The following JMY variants were observed in gnomAD, a reference collection of about 807,000 sequenced individuals.
JMY encodes the protein junction mediating and regulatory protein, p53 cofactor.
In JMY, 46 loss-of-function variants were observed where a neutral mutation model predicts 103.3. That is an observed-to-expected ratio of 0.45 (90% CI 0.35 to 0.57). The LOEUF (loss-of-function observed/expected upper bound fraction) is 0.57. JMY is among the 20% of genes least tolerant of loss of function. The pLI is 0.00. For synonymous variants in JMY, 526 were observed against 489.3 expected, an observed-to-expected ratio of 1.07 and a Z score of -0.99; for missense variants, 1,238 against 1,255.2, an observed-to-expected ratio of 0.99 and a Z score of 0.21.
intron 1 of JMY, among the ~76,000 whole-genome samples, chr5:79,252,908 G>T (rs1745131756): frequency 6.6e-6 from 1 of 152,124 alleles, no homozygotes; most frequent in Admixed American, 6.5e-5. Context: ...GGAGAGTTTA[G>T]TCCATTTGCA....
intron 8 of JMY, among the ~76,000 whole-genome samples, chr5:79,313,159 G>A (rs1747102952): frequency 6.6e-6 from 1 of 152,168 alleles, no homozygotes. Flanking sequence ...AAGTAAATGT[G>A]GCTCACGCCT....
At chr5:79,271,717 C>A (rs779920477) in intron 1 of JMY, among the ~76,000 whole-genome samples, 3 of 152,098 alleles carry the variant, frequency 2.0e-5, no homozygotes, top group East Asian at 1.9e-4. Context: ...TTTAAAAATT[C>A]TTTCCATTAT....
chr5:79,293,179 T>A (rs1746471168), intron 4 of JMY, among the ~76,000 whole-genome samples: 1 of 152,108 alleles, frequency 6.6e-6, no homozygotes, highest in Non-Finnish European at 1.5e-5. Flanking sequence ...AAAATGAAAA[T>A]GTTTTTAATT....
chr5:79,306,281 G>T, intron 6 of JMY, 94 bp from the exon 7 acceptor site: 5 of 810,880 alleles, frequency 6.2e-6, no homozygotes, highest in Non-Finnish European at 1.0e-5. Context: ...TTGTTCTGTA[G>T]GTGGTATATA....
intron 1 of JMY, among the ~76,000 whole-genome samples, chr5:79,250,592 ATTGT>A (rs1190221431): frequency 1.3e-5 from 2 of 151,280 alleles, no homozygotes; most frequent in African/African-American, 4.9e-5. Flanking sequence ...TCCTTCAACA[ATTGT>A]TTATTTAATA....
Position 79,236,904 on chromosome 5 carries a change from C to T in JMY, c.254C>T (p.Ala85Val), listed in dbSNP as rs1744524548. The part of the protein sequence containing the change: ...SDGSRGPGSP[A>V]GRGRPEATAS... ...GGGAGCCGCGGGCCCGGCAGCCCGG[C>T]GGGCAGGGGTCGGCCCGAGGCCACT... Residue 85 changes from alanine to valine, a missense_variant, in exon 1 of 11, where the codon GCG (alanine) becomes GTG (valine). Transcript: ENST00000396137. 1 of 1,355,688 alleles carries T rather than the reference C, an allele frequency of 7.4e-7. No homozygotes were observed. Among genetic ancestry groups the T allele is most frequent in the Middle Eastern group, 2.4e-4 (1 of 4,194 alleles). The allele number at this position is 1,355,688 out of a possible 1,614,324, so 84.0% of individuals were successfully genotyped here. A position where few individuals can be genotyped will look rare whatever the true frequency, so the allele number is the denominator to read the frequency against.
At chr5:79,277,660 A>G (rs1208727240) in intron 1 of JMY, among the ~76,000 whole-genome samples, 2 of 151,962 alleles carry the variant, frequency 1.3e-5, no homozygotes, top group Non-Finnish European at 2.9e-5. Flanking sequence ...AAAAAGGAAA[A>G]TAAAAAATGG....
chr5:79,250,473 G>A (rs577360147), intron 1 of JMY, among the ~76,000 whole-genome samples: 1 of 151,810 alleles, frequency 6.6e-6, no homozygotes. Context: ...GTTTGTAGGC[G>A]TCCCAGACAA....
intron 7 of JMY, among the ~76,000 whole-genome samples, chr5:79,311,099 G>A (rs1373540126): frequency 6.6e-6 from 1 of 150,506 alleles, no homozygotes; most frequent in Non-Finnish European, 1.5e-5. Flanking sequence ...TAAATTAGTA[G>A]TATATTACTA....
chr5:79,298,930 C>G (rs1250542127), intron 4 of JMY, among the ~76,000 whole-genome samples: 8 of 152,158 alleles, frequency 5.3e-5, no homozygotes, highest in Admixed American at 6.5e-5. Flanking sequence ...CCAACCTCGC[C>G]AGACAAAAGG....
At chr5:79,268,745 C>T (rs1177866499) in intron 1 of JMY, among the ~76,000 whole-genome samples, 2 of 152,188 alleles carry the variant, frequency 1.3e-5, no homozygotes, top group African/African-American at 2.4e-5. Context: ...GCCTCGGCTT[C>T]CCAAAGTGCT....
intron 1 of JMY, among the ~76,000 whole-genome samples, chr5:79,245,374 G>C (rs377606694): frequency 6.6e-6 from 1 of 152,022 alleles, no homozygotes; most frequent in African/African-American, 2.4e-5. Context: ...GTTGAAGCAG[G>C]GTGCTTTTTC....
At chr5:79,290,990 A>G in intron 3 of JMY, 140 bp from the exon 4 acceptor site, 1 of 561,866 alleles carries the variant, frequency 1.8e-6, no homozygotes, top group Non-Finnish European at 2.8e-6. Context: ...ATCTCATAAA[A>G]GAAAAAAAGA....
intron 1 of JMY, among the ~76,000 whole-genome samples, chr5:79,243,452 A>G (rs1207633927): frequency 6.6e-6 from 1 of 152,136 alleles, no homozygotes; most frequent in Non-Finnish European, 1.5e-5. Flanking sequence ...AGGGAAGGAT[A>G]TAATATGATT....
At chr5:79,255,460 T>A (rs1021709570) in intron 1 of JMY, among the ~76,000 whole-genome samples, 1 of 152,222 alleles carries the variant, frequency 6.6e-6, no homozygotes, top group Admixed American at 6.5e-5. Context: ...CATTTAGTGA[T>A]GTCATGTTTT....
chr5:79,258,851 T>A, intron 1 of JMY, among the ~76,000 whole-genome samples: 1 of 152,262 alleles, frequency 6.6e-6, no homozygotes, highest in Non-Finnish European at 1.5e-5. Context: ...GGCTGTAACA[T>A]TGTGGGCAAG....
At chr5:79,258,807 C>T (rs1200231982) in intron 1 of JMY, among the ~76,000 whole-genome samples, 2 of 152,144 alleles carry the variant, frequency 1.3e-5, no homozygotes, top group East Asian at 1.9e-4. Context: ...GGTCTGGGCT[C>T]CCCAGAGGGC....
At chr5:79,314,173 A>G in intron 8 of JMY, 84 bp from the exon 9 acceptor site, 7 of 1,519,952 alleles carry the variant, frequency 4.6e-6, no homozygotes, top group Non-Finnish European at 6.1e-6. Flanking sequence ...AACATCTTTT[A>G]TTTGAAGGAG....
At chr5:79,312,522 A>AT (rs776336904) in intron 8 of JMY, 24 bp downstream of exon 8, 2 of 1,114,132 alleles carry the variant, frequency 1.8e-6, no homozygotes, top group South Asian at 1.9e-5. Context: ...TGGTCCATTT[A>AT]TTGTTTTTCT....
Sources: gnomAD v4.1 joint callset for allele counts (sites outside exome capture counted in the v4.1 genomes callset) on GRCh38, gnomAD v4.1.1 for gene constraint, MANE v1.5 for transcripts, NCBI Gene and HGNC (gene_info 2026-07-23, HGNC 2026-07-21) for gene names.